The following AVEN variants were observed in gnomAD, a reference collection of about 807,000 sequenced individuals.
AVEN encodes apoptosis and caspase activation inhibitor, also known as cell death regulator Aven.
In AVEN, 41 loss-of-function variants were observed where a neutral mutation model predicts 38.1. The observed-to-expected ratio is 1.08, with a 90% CI of 0.84 to 1.40. AVEN has a LOEUF of 1.40. Among genes scored for constraint, AVEN ranks in the 40% most tolerant of loss-of-function variants. The pLI, the probability that AVEN is intolerant of heterozygous loss-of-function variation, is 0.00. For synonymous variants in AVEN, 206 were observed against 171.8 expected (o/e 1.20, Z -1.56); for missense variants, 605 against 438.8 (o/e 1.38, Z -3.38).
chr15:33,894,403 C>G (rs190597750), intron 2 of AVEN, among the ~76,000 whole-genome samples: 13 of 151,932 alleles, frequency 8.6e-5, no homozygotes, highest in Admixed American at 7.2e-4. Flanking sequence ...GATCTTACTC[C>G]TCTTTTCTGG....
intron 1 of AVEN, among the ~76,000 whole-genome samples, chr15:34,005,146 T>C (rs1897290306): frequency 6.6e-6 from 1 of 152,184 alleles, no homozygotes; most frequent in African/African-American, 2.4e-5. Flanking sequence ...TATATATTTA[T>C]ATATACTTCT....
intron 2 of AVEN, among the ~76,000 whole-genome samples, chr15:33,980,287 CT>C (rs5811808): frequency 0.81 from 123,452 of 152,168 alleles, 54,963 homozygotes; most frequent in Non-Finnish European, 0.98. Flanking sequence ...TTAATAACAT[CT>C]TTTTGTCAGC....
chr15:34,040,898 T>A (rs1401831677), upstream of AVEN, among the ~76,000 whole-genome samples: 1 of 144,994 alleles, frequency 6.9e-6, no homozygotes, highest in African/African-American at 2.6e-5. Context: ...GGAGACTGTC[T>A]AAAAAAAAAA....
intron 2 of AVEN, among the ~76,000 whole-genome samples, chr15:33,990,252 C>T (rs1416554539): frequency 2.7e-5 from 4 of 149,432 alleles, no homozygotes; most frequent in African/African-American, 5.0e-5. Flanking sequence ...CGTTGAGGTG[C>T]GTGCCTATAG....
chr15:33,865,974 A>T (rs553145901), downstream of AVEN: 1 of 152,970 alleles, frequency 6.5e-6, no homozygotes, highest in South Asian at 2.1e-4. Flanking sequence ...TTCAGAAAAA[A>T]AATCTCAACC....
intron 2 of AVEN, among the ~76,000 whole-genome samples, chr15:33,942,744 CCCAG>C (rs1427249710): frequency 6.6e-6 from 1 of 152,156 alleles, no homozygotes; most frequent in Non-Finnish European, 1.5e-5. Context: ...AGCCACCGTG[CCCAG>C]CCAAAGTTTT....
At chr15:34,021,006 C>CA (rs1259480634) in intron 1 of AVEN, among the ~76,000 whole-genome samples, 1 of 152,198 alleles carries the variant, frequency 6.6e-6, no homozygotes, top group Non-Finnish European at 1.5e-5. Context: ...TCTTTTTCTG[C>CA]ATATACACTT....
intron 1 of AVEN, among the ~76,000 whole-genome samples, chr15:34,021,962 T>G (rs1597361551): frequency 6.6e-6 from 1 of 152,178 alleles, no homozygotes; most frequent in African/African-American, 2.4e-5. Flanking sequence ...ATTCTTAAAG[T>G]CCATAGAAAG....
intron 2 of AVEN, among the ~76,000 whole-genome samples, chr15:33,992,262 C>T (rs113400534): frequency 6.6e-6 from 1 of 152,126 alleles, no homozygotes; most frequent in Non-Finnish European, 1.5e-5. Flanking sequence ...TGGTGGCGGG[C>T]ACCTGTAGTC....
chr15:33,853,757 A>G, the AVEN span: 11 of 1,543,478 alleles, frequency 7.1e-6, no homozygotes, highest in Non-Finnish European at 9.6e-6. Context: ...GGAAAAAATC[A>G]CAACCGTGTC....
intron 2 of AVEN, among the ~76,000 whole-genome samples, chr15:33,930,707 G>A (rs1893809488): frequency 6.6e-6 from 1 of 152,184 alleles, no homozygotes; most frequent in South Asian, 2.1e-4. Context: ...TGTAATCCCA[G>A]CACTTTGGGA....
chr15:33,922,077 C>T (rs967332788), intron 2 of AVEN, among the ~76,000 whole-genome samples: 3 of 152,236 alleles, frequency 2.0e-5, no homozygotes, highest in Admixed American at 6.5e-5. Flanking sequence ...AAGTCCCTAT[C>T]GATGGATTTT....
chr15:33,859,477 G>A, intron 11 of AVEN: 1 of 1,392,826 alleles, frequency 7.2e-7, no homozygotes, highest in Non-Finnish European at 1.0e-6. Context: ...GTGGCTTAGG[G>A]CTGCCACAAT....
intron 2 of AVEN, among the ~76,000 whole-genome samples, chr15:33,900,882 T>C (rs1486562057): frequency 1.3e-5 from 2 of 152,180 alleles, no homozygotes; most frequent in Admixed American, 6.5e-5. Flanking sequence ...TCTTCTACCT[T>C]TCCTTCAAAG....
intron 2 of AVEN, chr15:34,067,165 C>T (rs1304669583): frequency 6.6e-6 from 1 of 152,170 alleles, no homozygotes; most frequent in Non-Finnish European, 1.5e-5. Context: ...TAATTTGTTT[C>T]CCCTTGGCTG....
At chr15:33,866,833 A>G in intron 5 of AVEN, 105 bp from the exon 6 acceptor site, 1 of 778,812 alleles carries the variant, frequency 1.3e-6, no homozygotes. Context: ...AAACATTCTC[A>G]TTATTCTTAC....
chr15:33,898,919 G>A (rs189589468), intron 2 of AVEN, among the ~76,000 whole-genome samples: 2 of 152,276 alleles, frequency 1.3e-5, no homozygotes, highest in Non-Finnish European at 2.9e-5. Context: ...GTATAATTTG[G>A]GTTAAGAGAT....
At position 33,993,965 on chromosome 15, in the gene AVEN, T is replaced by C. The variant is rs115937256; in HGVS notation, c.445+9067A>G. On this transcript the variant is annotated intron_variant, in intron 2 of 5. Coordinates refer to ENST00000306730, the MANE Select transcript of AVEN (RefSeq NM_020371.3). ...ACTTATTTAAGTATTCATTCCACTA[T>C]TAATGAATATTTGCGTTGCTTCCAT... 6.0e-3 allele frequency among the ~76,000 whole-genome samples: 916 copies of C among 152,380 alleles called. 7 individuals carry two copies. The highest frequency in any genetic ancestry group is 0.019 in the African/African-American group (810 of 41,596).
chr15:34,036,284 T>C (rs1899121402), intron 1 of AVEN, among the ~76,000 whole-genome samples: 1 of 152,136 alleles, frequency 6.6e-6, no homozygotes, highest in South Asian at 2.1e-4. Flanking sequence ...TAAGTTACCC[T>C]GGAGTATTAC....
Sources: allele counts gnomAD v4.1 joint callset (sites outside exome capture counted in the v4.1 genomes callset), GRCh38; gene constraint gnomAD v4.1.1; transcripts MANE v1.5; gene names NCBI Gene and HGNC (gene_info 2026-07-23, HGNC 2026-07-21).